Variants in TPST1 observed in about 807,000 individuals in gnomAD.
TPST1 encodes protein-tyrosine sulfotransferase 1.
In TPST1, 20 loss-of-function variants were observed where a neutral mutation model predicts 34.8. The ratio of observed to expected loss-of-function variants is 0.57; its 90% CI spans 0.40 to 0.84. TPST1 has a LOEUF of 0.84. Ranked by LOEUF, TPST1 falls within the 40% of genes least tolerant of loss-of-function variation. The pLI, the probability that TPST1 is intolerant of heterozygous loss-of-function variation, is 0.00. For missense variants in TPST1, 353 were observed against 455.5 expected (o/e 0.78, Z 2.05); for synonymous variants, 152 against 159.4 (o/e 0.95, Z 0.35).
intron 3 of TPST1, among the ~76,000 whole-genome samples, chr7:66,349,829 C>A (rs1438270716): frequency 6.6e-6 from 1 of 152,030 alleles, no homozygotes; most frequent in African/African-American, 2.4e-5. Flanking sequence ...CAACAAAAAA[C>A]CCAAAACAAA....
intron 3 of TPST1, among the ~76,000 whole-genome samples, chr7:66,302,645 C>T (rs921282122): frequency 5.9e-5 from 9 of 152,180 alleles, no homozygotes; most frequent in African/African-American, 2.2e-4. Flanking sequence ...CCCAGACAGG[C>T]AATTGATTCA....
chr7:66,267,544 A>G (rs1790616454), intron 2 of TPST1, among the ~76,000 whole-genome samples: 1 of 152,194 alleles, frequency 6.6e-6, no homozygotes. Flanking sequence ...AGACAAAACC[A>G]CAGCAGAACT....
At chr7:66,209,281 G>A (rs1789196700) in intron 1 of TPST1, among the ~76,000 whole-genome samples, 1 of 152,100 alleles carries the variant, frequency 6.6e-6, no homozygotes, top group South Asian at 2.1e-4. Context: ...AAAGAAAAAT[G>A]TGTGATAACC....
chr7:66,286,845 T>G (rs1791052105), intron 3 of TPST1, 136 bp downstream of exon 3: 1 of 474,846 alleles, frequency 2.1e-6, no homozygotes, highest in Non-Finnish European at 3.1e-6. Context: ...TTATTTTTAT[T>G]TTATTTTATT....
intron 1 of TPST1, among the ~76,000 whole-genome samples, chr7:66,212,822 T>G (rs1177269914): frequency 1.3e-5 from 2 of 152,202 alleles, no homozygotes; most frequent in African/African-American, 4.8e-5. Flanking sequence ...GTTCTTTGTT[T>G]TTTCTTAAGA....
chr7:66,334,717 T>C (rs537964908), intron 3 of TPST1, among the ~76,000 whole-genome samples: 157 of 151,774 alleles, frequency 1.0e-3, no homozygotes, highest in African/African-American at 3.5e-3. Flanking sequence ...AGAAACCTCC[T>C]GGGCCAACAA....
chr7:66,239,834 T>C (rs576514817), intron 1 of TPST1, among the ~76,000 whole-genome samples: 2 of 152,348 alleles, frequency 1.3e-5, no homozygotes, highest in South Asian at 4.1e-4. Context: ...GTATATACTG[T>C]ATATACTGAG....
At chr7:66,231,433 G>T (rs1789789887) in intron 1 of TPST1, among the ~76,000 whole-genome samples, 1 of 152,238 alleles carries the variant, frequency 6.6e-6, no homozygotes, top group Non-Finnish European at 1.5e-5. Flanking sequence ...AGGGAAGCTG[G>T]GGTGGCACAG....
chr7:66,270,351 A>G (rs1790680813), intron 2 of TPST1, among the ~76,000 whole-genome samples: 1 of 152,206 alleles, frequency 6.6e-6, no homozygotes. Flanking sequence ...TCTTATAACT[A>G]TTACCCATGT....
intron 2 of TPST1, among the ~76,000 whole-genome samples, chr7:66,274,684 A>G (rs2115832403): frequency 6.6e-6 from 1 of 152,294 alleles, no homozygotes; most frequent in East Asian, 1.9e-4. Flanking sequence ...TTTGCAAACC[A>G]TATATCTGAT....
In TPST1 at chr7:66,315,839, G is replaced by C. The variant is rs1019128329; in HGVS notation, c.1044+29130G>C. Among the ~76,000 whole-genome samples the C allele has an allele frequency of 2.0e-5, 3 of 152,174 alleles. No homozygotes were observed. In the East Asian group the frequency reaches 5.8e-4, roughly 30 times the overall value. On this transcript the variant is annotated intron_variant, in intron 3 of 5. Coordinates refer to ENST00000304842, the MANE Select transcript of TPST1 (RefSeq NM_003596.4). ...AGAAAAAAAAATTCGGGCCAGGTGC[G>C]GTAGCACACGCCTGTAATCCCAGCA...
At chr7:66,209,951 A>G (rs546115169) in intron 1 of TPST1, among the ~76,000 whole-genome samples, 22 of 152,234 alleles carry the variant, frequency 1.4e-4, no homozygotes, top group African/African-American at 5.3e-4. Flanking sequence ...TATGGGTGTG[A>G]GTCACTGCGC....
chr7:66,304,926 G>A (rs916628663), intron 3 of TPST1, among the ~76,000 whole-genome samples: 3 of 151,416 alleles, frequency 2.0e-5, no homozygotes, highest in Non-Finnish European at 4.4e-5. Context: ...CAAGCGATCC[G>A]CCTGCCTTAG....
At chr7:66,353,505 C>T (rs1463676485) in intron 4 of TPST1, among the ~76,000 whole-genome samples, 1 of 152,142 alleles carries the variant, frequency 6.6e-6, no homozygotes, top group Admixed American at 6.6e-5. Flanking sequence ...AGAGTTTTCC[C>T]TGTAACGTCT....
intron 4 of TPST1, among the ~76,000 whole-genome samples, chr7:66,355,434 C>T (rs1172041094): frequency 6.6e-6 from 1 of 150,860 alleles, no homozygotes; most frequent in Admixed American, 6.6e-5. Context: ...GAGAACGTGC[C>T]ACTGCACTCC....
intron 3 of TPST1, among the ~76,000 whole-genome samples, chr7:66,298,529 CTTTG>C (rs1170187698): frequency 6.6e-6 from 1 of 152,026 alleles, no homozygotes; most frequent in Non-Finnish European, 1.5e-5. Flanking sequence ...ATATAGCTGG[CTTTG>C]TTTGTTAATC....
At chr7:66,351,861 C>T (rs1243505662) in intron 3 of TPST1, among the ~76,000 whole-genome samples, 9 of 152,092 alleles carry the variant, frequency 5.9e-5, no homozygotes, top group Admixed American at 5.9e-4. Context: ...TTTACTCTTA[C>T]ATATTCAGTG....
rs1250667517 is a variant in TPST1, at chr7:66,360,282, C to T, written c.*417C>T. 4 of 199,628 alleles carry T rather than the reference C, an allele frequency of 2.0e-5. No individual in the cohort carries two copies. In the East Asian group the frequency reaches 5.0e-4, roughly 25 times the overall value. The allele number at this position is 199,628 out of a possible 1,614,324, so 12.4% of individuals were successfully genotyped here. ...GTACATGTTCTAATGTTTTGTAGAA[C>T]ACGTGTGCCTGTTTAAGTGTATTGA... On this transcript the variant is annotated 3_prime_UTR_variant, in exon 6 of 6. Coordinates refer to ENST00000304842, the MANE Select transcript of TPST1 (RefSeq NM_003596.4).
intron 2 of TPST1, among the ~76,000 whole-genome samples, chr7:66,254,695 T>C (rs1243321196): frequency 6.6e-6 from 1 of 152,246 alleles, no homozygotes; most frequent in Non-Finnish European, 1.5e-5. Flanking sequence ...CAAGCCACCA[T>C]GCCCAGCCAG....
Sources: gnomAD v4.1 joint callset for allele counts (sites outside exome capture counted in the v4.1 genomes callset) on GRCh38, gnomAD v4.1.1 for gene constraint, MANE v1.5 for transcripts, NCBI Gene and HGNC (gene_info 2026-07-23, HGNC 2026-07-21) for gene names.